TNIK: variants seen among roughly 807,000 people sequenced by gnomAD.
TNIK encodes the protein TRAF2 and NCK interacting kinase, also known as TRAF2 and NCK-interacting protein kinase.
TNIK carries 49 observed loss-of-function variants against 191.3 expected under a neutral mutation model. The observed-to-expected ratio is 0.26, with a 90% CI of 0.20 to 0.32. The LOEUF (loss-of-function observed/expected upper bound fraction) is 0.32, where lower values mean the gene tolerates loss of function less well. Among genes scored for constraint, TNIK ranks in the 10% least tolerant of loss-of-function variants. The pLI, the probability that TNIK is intolerant of heterozygous loss-of-function variation, is 1.00. For synonymous variants in TNIK, 594 were observed against 600.9 expected, an observed-to-expected ratio of 0.99 and a Z score of 0.17; for missense variants, 1,155 against 1,702.3, an observed-to-expected ratio of 0.68 and a Z score of 5.66.
intron 20 of TNIK, 99 bp downstream of exon 20, chr3:171,107,966 C>T: frequency 8.2e-7 from 1 of 1,221,554 alleles, no homozygotes; most frequent in Non-Finnish European, 1.1e-6. Flanking sequence ...CTAATCTCAA[C>T]AATTTTTGTT....
intron 9 of TNIK, among the ~76,000 whole-genome samples, chr3:171,174,087 C>T (rs1203417324): frequency 6.6e-6 from 1 of 152,222 alleles, no homozygotes; most frequent in South Asian, 2.1e-4. Flanking sequence ...AACTCTCACT[C>T]CCCTCGCAGG....
In TNIK at chr3:171,421,724, A is replaced by ATTT. The variant is rs67895255; in HGVS notation, c.57+38280_57+38282dup. ...AGCTCTGCTCCTGATTAGTTGTGTA[A>ATTT]TTTTTTTTTTTTTTTTTTTTTTTTT... is the stretch of plus-strand genomic sequence containing the variant. On this transcript the variant is annotated intron_variant, in intron 1 of 32. Coordinates refer to ENST00000436636, the MANE Select transcript of TNIK (RefSeq NM_015028.4). 4.5e-3 allele frequency among the ~76,000 whole-genome samples: 410 copies of ATTT among 91,342 alleles called. 19 individuals carry two copies. The highest frequency in any genetic ancestry group is 0.013 in the African/African-American group (252 of 20,110). 59.9% of individuals were successfully genotyped at this position (91,342 alleles called of 152,430 possible).
chr3:171,149,561 C>T lies in TNIK; in HGVS notation c.1221+7899G>A, dbSNP rs546095201. On this transcript the variant is annotated intron_variant, in intron 12 of 32. Coordinates refer to ENST00000436636, the MANE Select transcript of TNIK (RefSeq NM_015028.4). Reference sequence around the variant, plus strand: ...AAGTCAGAACTCCTTTGGCACAACACGTAAGTTAGAACAAGAAGCCCTTTT... The same window carrying T: ...AAGTCAGAACTCCTTTGGCACAACATGTAAGTTAGAACAAGAAGCCCTTTT... 5.9e-5 allele frequency among the ~76,000 whole-genome samples: 9 copies of T among 152,262 alleles called. No homozygotes were observed. The South Asian group carries it at 6.2e-4, about 11-fold the overall frequency.
chr3:171,196,367 G>A (rs1234928099), intron 4 of TNIK, among the ~76,000 whole-genome samples: 1 of 152,054 alleles, frequency 6.6e-6, no homozygotes, highest in Non-Finnish European at 1.5e-5. Context: ...AAAGTAAATA[G>A]AATTTGCCTT....
At chr3:171,171,068 C>T (rs1256520554) in intron 9 of TNIK, among the ~76,000 whole-genome samples, 1 of 151,890 alleles carries the variant, frequency 6.6e-6, no homozygotes, top group Non-Finnish European at 1.5e-5. Context: ...AAAAGAAATC[C>T]TCATTTCTGT....
intron 2 of TNIK, among the ~76,000 whole-genome samples, chr3:171,329,582 G>A (rs974595516): frequency 2.6e-5 from 4 of 152,122 alleles, no homozygotes; most frequent in East Asian, 1.9e-4. Flanking sequence ...AAATCCCTAA[G>A]CACATAGTGT....
chr3:171,304,535 A>G (rs1028482988), intron 2 of TNIK, among the ~76,000 whole-genome samples: 14 of 152,224 alleles, frequency 9.2e-5, no homozygotes, highest in African/African-American at 2.9e-4. Context: ...ATTATAAATC[A>G]TGCTGCTTTA....
intron 12 of TNIK, among the ~76,000 whole-genome samples, chr3:171,153,971 G>A (rs986041917): frequency 6.6e-6 from 1 of 152,196 alleles, no homozygotes; most frequent in African/African-American, 2.4e-5. Flanking sequence ...CACAATGGGA[G>A]ACTGTATTTC....
intron 2 of TNIK, among the ~76,000 whole-genome samples, chr3:171,288,039 A>G: frequency 6.6e-6 from 1 of 150,752 alleles, no homozygotes; most frequent in Non-Finnish European, 1.5e-5. Flanking sequence ...GAAATTGGAA[A>G]CCATCATTCT....
At chr3:171,280,430 GT>G (rs1750296343) in intron 2 of TNIK, among the ~76,000 whole-genome samples, 1 of 152,180 alleles carries the variant, frequency 6.6e-6, no homozygotes, top group Non-Finnish European at 1.5e-5. Flanking sequence ...GTGAACCTCA[GT>G]TTTTAAAATC....
At chr3:171,181,685 T>C (rs1490252002) in intron 7 of TNIK, among the ~76,000 whole-genome samples, 1 of 152,214 alleles carries the variant, frequency 6.6e-6, no homozygotes, top group African/African-American at 2.4e-5. Context: ...TATCTGGAGC[T>C]ACAGCATCCA....
intron 1 of TNIK, among the ~76,000 whole-genome samples, chr3:171,424,511 C>T (rs919777257): frequency 2.0e-5 from 3 of 152,112 alleles, no homozygotes; most frequent in African/African-American, 7.2e-5. Context: ...ATAAAACATG[C>T]TGTTATAAAG....
chr3:171,101,426 C>T (rs1181794536), intron 22 of TNIK, 23 bp downstream of exon 22: 9 of 1,577,212 alleles, frequency 5.7e-6, no homozygotes, highest in African/African-American at 1.4e-5. Flanking sequence ...TCCCGGTCTA[C>T]ACTTTAAAAG....
At chr3:171,100,933 G>T (rs537678179) in intron 22 of TNIK, among the ~76,000 whole-genome samples, 1 of 152,176 alleles carries the variant, frequency 6.6e-6, no homozygotes, top group South Asian at 2.1e-4. Flanking sequence ...TCATAACGGG[G>T]TATATTTTGG....
chr3:171,280,176 C>A (rs1750262705), intron 2 of TNIK, among the ~76,000 whole-genome samples: 1 of 152,172 alleles, frequency 6.6e-6, no homozygotes, highest in South Asian at 2.1e-4. Flanking sequence ...GTCAATCTGC[C>A]ACATCCTTCT....
intron 2 of TNIK, among the ~76,000 whole-genome samples, chr3:171,310,817 AAAAC>A (rs376252954): frequency 1.9e-3 from 294 of 152,254 alleles, no homozygotes; most frequent in South Asian, 6.8e-3. Flanking sequence ...GCAGAGTTAA[AAAAC>A]AAACAAACAA....
chr3:171,326,926 C>A (rs75848375), intron 2 of TNIK, among the ~76,000 whole-genome samples: 2,957 of 152,222 alleles, frequency 0.019, 82 homozygotes, highest in African/African-American at 0.068. Flanking sequence ...CTCACAAGCA[C>A]CATACTTAGA....
At chr3:171,317,375 T>A (rs1177856355) in intron 2 of TNIK, among the ~76,000 whole-genome samples, 1 of 152,122 alleles carries the variant, frequency 6.6e-6, no homozygotes, top group East Asian at 1.9e-4. Context: ...TAGTGGGATG[T>A]GGGAGAGACA....
chr3:171,295,565 C>T (rs1486813372), intron 2 of TNIK, among the ~76,000 whole-genome samples: 1 of 152,218 alleles, frequency 6.6e-6, no homozygotes, highest in Non-Finnish European at 1.5e-5. Flanking sequence ...TGCCTCTCAC[C>T]CTCTCCACAA....
Sources: gnomAD v4.1 joint callset for allele counts (sites outside exome capture counted in the v4.1 genomes callset) on GRCh38, gnomAD v4.1.1 for gene constraint, MANE v1.5 for transcripts, NCBI Gene and HGNC (gene_info 2026-07-23, HGNC 2026-07-21) for gene names.